The following NSRP1 variants were observed in gnomAD, a reference collection of about 807,000 sequenced individuals.
The protein encoded by NSRP1 is coiled-coil domain containing 55.
In NSRP1, 24 loss-of-function variants were observed where a neutral mutation model predicts 54.7. That is an observed-to-expected ratio of 0.44 (90% CI 0.32 to 0.62). The LOEUF (loss-of-function observed/expected upper bound fraction) is 0.62. Ranked by LOEUF, NSRP1 falls within the 20% of genes least tolerant of loss-of-function variation. NSRP1 has a pLI of 0.06. For missense variants in NSRP1, 596 were observed against 651.2 expected (o/e 0.92, Z 0.92); for synonymous variants, 210 against 213.8 (o/e 0.98, Z 0.15).
chr17:30,129,516 T>C (rs1308199320), intron 2 of NSRP1, among the ~76,000 whole-genome samples: 1 of 152,180 alleles, frequency 6.6e-6, no homozygotes, highest in Non-Finnish European at 1.5e-5. Context: ...CCTTTCACTA[T>C]TTCTTGATAT....
intron 2 of NSRP1, among the ~76,000 whole-genome samples, chr17:30,157,614 G>T (rs1904353388): frequency 6.6e-6 from 1 of 152,062 alleles, no homozygotes; most frequent in Admixed American, 6.6e-5. Context: ...TAGCAGACTA[G>T]GGTGACTATA....
At chr17:30,118,249 C>A in intron 2 of NSRP1, 76 bp downstream of exon 2, 1 of 1,108,058 alleles carries the variant, frequency 9.0e-7, no homozygotes, top group Non-Finnish European at 1.4e-6. Flanking sequence ...GACTCTGATA[C>A]CTTTGCCTTT....
rs373824257 is a variant in NSRP1, at chr17:30,149,280, T to G, written c.115-23262T>G. ...GTCCGGGCTTGTCTTGAACTCTTGG[T>G]CTCGAGTGATCCTCCAACCTTGGCC... On this transcript the variant is annotated intron_variant, in intron 2 of 6. Transcript: ENST00000247026. Among the ~76,000 whole-genome samples the G allele has an allele frequency of 2.6e-5, 4 of 152,158 alleles. No individual in the cohort carries two copies. In the East Asian group the frequency reaches 7.7e-4, roughly 29 times the overall value.
chr17:30,143,871 G>A (rs1035312091), intron 2 of NSRP1, among the ~76,000 whole-genome samples: 3 of 152,044 alleles, frequency 2.0e-5, no homozygotes, highest in African/African-American at 7.2e-5. Context: ...TTGAGGGGAT[G>A]GATAACCCAT....
Position 30,179,279 on chromosome 17 carries a change from A to T in NSRP1, c.490A>T (p.Arg164Trp). The T allele has an allele frequency of 6.3e-7, 1 of 1,582,678 alleles. No homozygotes were observed. The part of the protein sequence containing the change: ...ERAEEEEREK[R>W]AAALEACLDV... ...AGCTGAAGAAGAAGAAAGAGAAAAGAGGGCTGCTGCACTGGAAGGTAAAAT... is the reference window on the plus strand; with the variant it reads ...AGCTGAAGAAGAAGAAAGAGAAAAGTGGGCTGCTGCACTGGAAGGTAAAAT... Residue 164 changes from arginine to tryptophan, a missense_variant, in exon 5 of 7, where the codon AGG becomes TGG. By Grantham distance (101) the Arg-to-Trp change is moderately radical. Coordinates refer to ENST00000247026, the MANE Select transcript of NSRP1 (RefSeq NM_032141.4).
intron 2 of NSRP1, among the ~76,000 whole-genome samples, chr17:30,171,964 A>ACACACACT (rs1904950388): frequency 7.5e-6 from 1 of 132,632 alleles, no homozygotes; most frequent in African/African-American, 2.8e-5. Flanking sequence ...ACACACACAC[A>ACACACACT]CACACACACT....
rs755882248 is a variant in NSRP1, at chr17:30,184,874, A to G, written c.877A>G (p.Ser293Gly). The change falls in exon 7 of 7, where the codon AGT becomes GGT. Residue 293 changes from serine (S) to glycine (G), a missense_variant. Ser to Gly is a moderately conservative substitution (Grantham distance 56). Transcript: ENST00000247026. ...GAGTCAAAACCACTCTCGGTCACCT[A>G]GTGAAGAAAGAGGGCACAGTACCAG... Reference protein sequence around the residue: ...HRSQNHSRSPSEERGHSTRHH... With the variant: ...HRSQNHSRSPGEERGHSTRHH... The G allele has an allele frequency of 6.2e-7, 1 of 1,614,182 alleles. No individual in the cohort carries two copies. Among genetic ancestry groups the G allele is most frequent in the South Asian group, 1.1e-5 (1 of 91,078 alleles).
chr17:30,127,691 G>A (rs1167886432), intron 2 of NSRP1, among the ~76,000 whole-genome samples: 1 of 152,118 alleles, frequency 6.6e-6, no homozygotes, highest in Non-Finnish European at 1.5e-5. Context: ...CGGGATTATA[G>A]GTGTGAACTA....
At chr17:30,162,568 G>A (rs1313520505) in intron 2 of NSRP1, among the ~76,000 whole-genome samples, 10 of 152,200 alleles carry the variant, frequency 6.6e-5, no homozygotes, top group Non-Finnish European at 1.0e-4. Flanking sequence ...TTTTAGCTGT[G>A]AGCCATTTGA....
chr17:30,184,690 A>G lies in NSRP1; in HGVS notation c.693A>G (p.Lys231=). The change falls in exon 7 of 7, where the codon AAA becomes AAG. Residue 231 remains lysine, a synonymous_variant. Transcript: ENST00000247026. ...VSSKNRIPQE[K]CILQTDVKVE... ...CAAAAAACAGAATACCACAAGAGAAATGCATTCTTCAAACTGATGTGAAAG... is the reference window on the plus strand; with the variant it reads ...CAAAAAACAGAATACCACAAGAGAAGTGCATTCTTCAAACTGATGTGAAAG... The G allele has an allele frequency of 6.2e-7, 1 of 1,613,060 alleles. No individual in the cohort carries two copies. Among genetic ancestry groups the G allele is most frequent in the South Asian group, 1.1e-5 (1 of 90,650 alleles).
At chr17:30,125,306 A>G (rs771500215) in intron 2 of NSRP1, among the ~76,000 whole-genome samples, 2 of 152,278 alleles carry the variant, frequency 1.3e-5, no homozygotes, top group South Asian at 4.1e-4. Context: ...TGGAAAATAT[A>G]GAAGAAAGAT....
rs561105214 is a variant in NSRP1, at chr17:30,184,095, G to A, written c.618-520G>A. Among the ~76,000 whole-genome samples the A allele has an allele frequency of 2.6e-4, 39 of 152,206 alleles. No homozygotes were observed. The East Asian group carries it at 4.8e-3, about 19-fold the overall frequency. ...TGCAGGCCTGTAATCCCAACTACTCGGGAAGCTAAGGTGAGAGGATCACTT... is the reference window on the plus strand; with the variant it reads ...TGCAGGCCTGTAATCCCAACTACTCAGGAAGCTAAGGTGAGAGGATCACTT... On this transcript the variant is annotated intron_variant, in intron 6 of 6. Transcript: ENST00000247026.
intron 2 of NSRP1, among the ~76,000 whole-genome samples, chr17:30,159,658 AT>A (rs1271706996): frequency 6.6e-6 from 1 of 151,234 alleles, no homozygotes; most frequent in Non-Finnish European, 1.5e-5. Context: ...ATTTTTATTT[AT>A]TTGTTTATTT....
intron 2 of NSRP1, among the ~76,000 whole-genome samples, chr17:30,121,790 G>A (rs1428654030): frequency 1.3e-5 from 2 of 152,102 alleles, no homozygotes; most frequent in South Asian, 4.1e-4. Flanking sequence ...GGCTGGTCTC[G>A]AACCCCTGAC....
At chr17:30,128,945 T>C (rs1205095516) in intron 2 of NSRP1, among the ~76,000 whole-genome samples, 1 of 151,348 alleles carries the variant, frequency 6.6e-6, no homozygotes, top group Non-Finnish European at 1.5e-5. Context: ...TTTGTAGAGA[T>C]GGGGGTCTCG....
At chr17:30,156,746 C>G (rs1039383781) in intron 2 of NSRP1, 1 of 152,030 alleles carries the variant, frequency 6.6e-6, no homozygotes, top group Non-Finnish European at 1.5e-5. Flanking sequence ...CTCGAACTCC[C>G]GACCTCACGT....
At chr17:30,159,087 C>T (rs1597612032) in intron 2 of NSRP1, among the ~76,000 whole-genome samples, 1 of 152,188 alleles carries the variant, frequency 6.6e-6, no homozygotes, top group African/African-American at 2.4e-5. Flanking sequence ...TTCTTCCGAT[C>T]CATGAACATG....
Position 30,186,440 on chromosome 17 carries a change from T to A in NSRP1, c.*766T>A, listed in dbSNP as rs1165087228. On this transcript the variant is annotated 3_prime_UTR_variant, in exon 7 of 7. Coordinates refer to ENST00000247026, the MANE Select transcript of NSRP1 (RefSeq NM_032141.4). ...CTAAATAGCTTACAGCATAGTTGGC[T>A]TAAATGAAAATAAAATGATATGCTT... 6.6e-6 allele frequency: 1 copy of A among 152,260 alleles called. No homozygotes were observed. The allele number at this position is 152,260 out of a possible 1,614,324, so 9.4% of individuals were successfully genotyped here. A position where few individuals can be genotyped will look rare whatever the true frequency, so the allele number is the denominator to read the frequency against.
chr17:30,171,976 C>CACACACA (rs1567804388), intron 2 of NSRP1, among the ~76,000 whole-genome samples: 3 of 80,350 alleles, frequency 3.7e-5, no homozygotes, highest in African/African-American at 8.2e-5. Context: ...ACACACACTC[C>CACACACA]CTCTCTCTCT....
Sources: gnomAD v4.1 joint callset for allele counts (sites outside exome capture counted in the v4.1 genomes callset) on GRCh38, gnomAD v4.1.1 for gene constraint, MANE v1.5 for transcripts, NCBI Gene and HGNC (gene_info 2026-07-23, HGNC 2026-07-21) for gene names.